Variants in GIPC2 observed in about 807,000 individuals in gnomAD.
GIPC2 encodes GIPC PDZ domain containing family member 2.
A neutral mutation model predicts 30.6 loss-of-function variants in GIPC2; 30 were observed. The observed-to-expected ratio is 0.98, with a 90% CI of 0.73 to 1.33. GIPC2 has a LOEUF of 1.33. GIPC2 is among the 40% of genes most tolerant of loss of function. The pLI is 0.00. For missense variants in GIPC2, 414 were observed against 390.3 expected, an observed-to-expected ratio of 1.06 and a Z score of -0.51; for synonymous variants, 167 against 150.0, an observed-to-expected ratio of 1.11 and a Z score of -0.83.
At chr1:78,091,366 G>A (rs892424069) in intron 2 of GIPC2, 3 of 491,434 alleles carry the variant, frequency 6.1e-6, no homozygotes, top group Non-Finnish European at 1.1e-5. Flanking sequence ...GACTGGACAT[G>A]TAGCTCAGAG....
intron 1 of GIPC2, among the ~76,000 whole-genome samples, chr1:78,069,719 C>T (rs1661583053): frequency 6.6e-6 from 1 of 152,102 alleles, no homozygotes; most frequent in African/African-American, 2.4e-5. Flanking sequence ...GGTCATCTGC[C>T]TGCCTCAGCC....
At chr1:78,066,108 A>G (rs903281597) in intron 1 of GIPC2, among the ~76,000 whole-genome samples, 2 of 152,196 alleles carry the variant, frequency 1.3e-5, no homozygotes, top group Non-Finnish European at 2.9e-5. Context: ...TAAACAGACA[A>G]CCTAGAGAAT....
chr1:78,120,398 A>G (rs1463445208), intron 4 of GIPC2, among the ~76,000 whole-genome samples: 1 of 152,116 alleles, frequency 6.6e-6, no homozygotes, highest in African/African-American at 2.4e-5. Context: ...CTCCCTTGCC[A>G]TCATTAGGTT....
At chr1:78,106,560 AAAAACAAAAC>A (rs372627588) in intron 3 of GIPC2, among the ~76,000 whole-genome samples, 6 of 152,336 alleles carry the variant, frequency 3.9e-5, no homozygotes, top group East Asian at 1.9e-4. Flanking sequence ...ACTCCATCTC[AAAAACAAAAC>A]AAAACAAAAC....
chr1:78,069,749 C>T (rs1394772840), intron 1 of GIPC2, among the ~76,000 whole-genome samples: 1 of 152,156 alleles, frequency 6.6e-6, no homozygotes, highest in East Asian at 1.9e-4. Flanking sequence ...GCTGGGATTA[C>T]AGGCATGAGC....
intron 3 of GIPC2, among the ~76,000 whole-genome samples, chr1:78,113,143 G>T (rs1662502614): frequency 6.6e-6 from 1 of 151,986 alleles, no homozygotes; most frequent in Admixed American, 6.6e-5. Flanking sequence ...TTGAGTAGAG[G>T]ACACAAATTG....
At chr1:78,120,720 A>G (rs1662665461) in intron 4 of GIPC2, among the ~76,000 whole-genome samples, 1 of 152,346 alleles carries the variant, frequency 6.6e-6, no homozygotes. Flanking sequence ...ACTGCTCTTT[A>G]TAAAACCGTC....
chr1:78,080,718 G>C lies in GIPC2; in HGVS notation c.284G>C (p.Arg95Thr). The change falls in exon 2 of 6, where the codon AGA becomes ACA. Residue 95 changes from arginine (R) to threonine (T), a missense_variant. Coordinates refer to ENST00000370759, the MANE Select transcript of GIPC2 (RefSeq NM_017655.6). ...AACACACCTAAAATTGACATGGAAAGACTCTTAGGAGGACAACTAGGACTA... is the reference window on the plus strand; with the variant it reads ...AACACACCTAAAATTGACATGGAAACACTCTTAGGAGGACAACTAGGACTA... ...TLNTPKIDME[R>T]LLGGQLGLED... is the part of the protein sequence containing the mutation. The C allele has an allele frequency of 6.2e-7, 1 of 1,608,862 alleles. No homozygotes were observed. Among genetic ancestry groups the C allele is most frequent in the South Asian group, 1.1e-5 (1 of 90,518 alleles).
chr1:78,134,360 G>A (rs901861495), intron 5 of GIPC2, among the ~76,000 whole-genome samples: 3 of 151,494 alleles, frequency 2.0e-5, no homozygotes, highest in Non-Finnish European at 4.4e-5. Context: ...GTGTGTGTGT[G>A]TGTATGTATG....
intron 5 of GIPC2, among the ~76,000 whole-genome samples, chr1:78,133,078 A>G (rs981860987): frequency 2.0e-5 from 3 of 152,180 alleles, no homozygotes; most frequent in African/African-American, 7.2e-5. Flanking sequence ...CACTTTCCCC[A>G]GTGCATGCTA....
intron 4 of GIPC2, among the ~76,000 whole-genome samples, chr1:78,123,275 AAAAG>A (rs1351455042): frequency 2.6e-5 from 4 of 151,162 alleles, no homozygotes; most frequent in African/African-American, 7.3e-5. Flanking sequence ...AAAAAAAAAA[AAAAG>A]GGTCAGGAAG....
At chr1:78,134,238 A>G (rs1035294541) in intron 5 of GIPC2, among the ~76,000 whole-genome samples, 4 of 151,986 alleles carry the variant, frequency 2.6e-5, no homozygotes, top group Non-Finnish European at 4.4e-5. Flanking sequence ...TTCTAATTCC[A>G]TAGGGTTCAT....
chr1:78,112,600 A>G (rs963677792), intron 3 of GIPC2: 1 of 515,546 alleles, frequency 1.9e-6, no homozygotes, highest in Non-Finnish European at 3.9e-6. Context: ...GGGAGAATAT[A>G]CAGCCTCCCC....
At chr1:78,086,132 C>A (rs186717758) in intron 2 of GIPC2, among the ~76,000 whole-genome samples, 3 of 152,216 alleles carry the variant, frequency 2.0e-5, no homozygotes, top group Admixed American at 2.0e-4. Flanking sequence ...TATCTTTGTT[C>A]TCATTAGTTT....
intron 1 of GIPC2, among the ~76,000 whole-genome samples, chr1:78,069,672 C>A (rs1310104565): frequency 1.3e-5 from 2 of 151,948 alleles, no homozygotes; most frequent in East Asian, 3.9e-4. Context: ...CGGGCTTTCA[C>A]CACGTTGGCC....
chr1:78,085,158 A>G (rs1269078252), intron 2 of GIPC2, among the ~76,000 whole-genome samples: 4 of 152,200 alleles, frequency 2.6e-5, no homozygotes, highest in Non-Finnish European at 4.4e-5. Flanking sequence ...GAATTTTATC[A>G]AAAGCCTTTT....
At chr1:78,053,131 C>T (rs1661224912) in intron 1 of GIPC2, among the ~76,000 whole-genome samples, 1 of 152,068 alleles carries the variant, frequency 6.6e-6, no homozygotes, top group Non-Finnish European at 1.5e-5. Flanking sequence ...TGAAGTAAGC[C>T]CGTCAAAATT....
At chr1:78,100,979 C>CACACAT (rs1414017401) in intron 3 of GIPC2, among the ~76,000 whole-genome samples, 1 of 143,330 alleles carries the variant, frequency 7.0e-6, no homozygotes, top group Non-Finnish European at 1.5e-5. Flanking sequence ...CACACACACA[C>CACACAT]ACATACACAC....
chr1:78,118,160 C>T (rs7364565), intron 3 of GIPC2, among the ~76,000 whole-genome samples: 1,591 of 148,378 alleles, frequency 0.011, 22 homozygotes, highest in South Asian at 0.044. Flanking sequence ...TGGGCTCAAG[C>T]GATCTGCCTG....
Sources: gnomAD v4.1 joint callset for allele counts (sites outside exome capture counted in the v4.1 genomes callset) on GRCh38, gnomAD v4.1.1 for gene constraint, MANE v1.5 for transcripts, NCBI Gene and HGNC (gene_info 2026-07-23, HGNC 2026-07-21) for gene names.